The following GHR variants were observed in gnomAD, a reference collection of about 807,000 sequenced individuals.
GHR encodes the protein GH receptor.
In GHR, 35 loss-of-function variants were observed where a neutral mutation model predicts 67.1. That is an observed-to-expected ratio of 0.52 (90% CI 0.40 to 0.69). The LOEUF is 0.69. GHR is among the 30% of genes least tolerant of loss of function. The pLI, the probability that GHR is intolerant of heterozygous loss-of-function variation, is 0.00. For missense variants in GHR, 792 were observed against 764.6 expected (o/e 1.04, Z -0.42); for synonymous variants, 272 against 269.1 (o/e 1.01, Z -0.10).
intron 4 of GHR, among the ~76,000 whole-genome samples, chr5:42,694,511 G>T (rs1209042841): frequency 6.6e-6 from 1 of 152,110 alleles, no homozygotes; most frequent in African/African-American, 2.4e-5. Context: ...AAACAGCCAG[G>T]TCTAAACCTT....
chr5:42,531,790 A>G (rs1747982408), intron 1 of GHR, among the ~76,000 whole-genome samples: 1 of 152,058 alleles, frequency 6.6e-6, no homozygotes, highest in East Asian at 1.9e-4. Flanking sequence ...ATTCATTGCT[A>G]TTTGTTGCAA....
chr5:42,581,978 C>A (rs925269669), intron 2 of GHR, among the ~76,000 whole-genome samples: 11 of 152,252 alleles, frequency 7.2e-5, no homozygotes, highest in Admixed American at 6.5e-4. Context: ...AAAGTCATGG[C>A]CAAGCCTGGA....
At chr5:42,427,315 C>T (rs1282542989) in intron 1 of GHR, among the ~76,000 whole-genome samples, 4 of 152,136 alleles carry the variant, frequency 2.6e-5, no homozygotes, top group Non-Finnish European at 4.4e-5. Flanking sequence ...ACAATCATGG[C>T]GGAAGGTGAA....
At chr5:42,508,263 C>T (rs1262146884) in intron 1 of GHR, among the ~76,000 whole-genome samples, 2 of 152,096 alleles carry the variant, frequency 1.3e-5, no homozygotes, top group African/African-American at 4.8e-5. Flanking sequence ...CAAAGGGGGC[C>T]TTTCCCAAGG....
chr5:42,462,590 ACATAAGGTTACT>A (rs1459083153), intron 1 of GHR, among the ~76,000 whole-genome samples: 2 of 152,168 alleles, frequency 1.3e-5, no homozygotes, highest in African/African-American at 2.4e-5. Flanking sequence ...CCTTATATAA[ACATAAGGTTACT>A]CATTATTGAA....
intron 2 of GHR, among the ~76,000 whole-genome samples, chr5:42,609,939 C>A (rs1580050915): frequency 6.6e-6 from 1 of 152,118 alleles, no homozygotes; most frequent in Non-Finnish European, 1.5e-5. Context: ...GTGACTGTCA[C>A]TAAAATGTAA....
chr5:42,467,905 G>T, intron 1 of GHR: 1 of 766,926 alleles, frequency 1.3e-6, no homozygotes, highest in Non-Finnish European at 2.2e-6. Context: ...CCTCTTCTTT[G>T]AAGCTTTCAG....
chr5:42,719,499 C>T lies in GHR; in HGVS notation c.*75C>T. The T allele has an allele frequency of 2.1e-6, 3 of 1,437,790 alleles. No homozygotes were observed. Among genetic ancestry groups the T allele is most frequent in the Non-Finnish European group, 2.9e-6 (3 of 1,031,476 alleles). The allele number at this position is 1,437,790 out of a possible 1,614,324, so 89.1% of individuals were successfully genotyped here. A position where few individuals can be genotyped will look rare whatever the true frequency, so the allele number is the denominator to read the frequency against. On this transcript the variant is annotated 3_prime_UTR_variant, in exon 10 of 10. Coordinates refer to ENST00000230882, the MANE Select transcript of GHR (RefSeq NM_000163.5). ...TGGGGCAATAACGTTTAAGCCAAAA[C>T]AATGTTTAAACCTTTTTTGGGGGAG...
At chr5:42,633,666 A>G (rs1213627636) in intron 3 of GHR, among the ~76,000 whole-genome samples, 1 of 152,170 alleles carries the variant, frequency 6.6e-6, no homozygotes, top group Non-Finnish European at 1.5e-5. Flanking sequence ...CCAATCATCT[A>G]TAGTAGCTCC....
chr5:42,540,042 G>T (rs1748433577), intron 1 of GHR, among the ~76,000 whole-genome samples: 2 of 152,064 alleles, frequency 1.3e-5, no homozygotes, highest in Non-Finnish European at 2.9e-5. Flanking sequence ...ATAAATAATG[G>T]TTTTTCTGCA....
chr5:42,565,691 GT>G, intron 1 of GHR, 172 bp from the exon 2 acceptor site: 1 of 985,358 alleles, frequency 1.0e-6, no homozygotes, highest in Non-Finnish European at 1.2e-6. Context: ...TGCTGTTTGA[GT>G]TCATGAAAAG....
At chr5:42,494,113 C>T (rs576020725) in intron 1 of GHR, among the ~76,000 whole-genome samples, 11 of 152,218 alleles carry the variant, frequency 7.2e-5, no homozygotes, top group Admixed American at 3.9e-4. Context: ...ATCATGGAAA[C>T]CTCTCCATAC....
Position 42,719,379 on chromosome 5 carries a change from A to C in GHR, c.1872A>C (p.Ser624=). ...LPLPDKEFLS[S]CGYVSTDQLN... is the part of the protein sequence containing the mutation. ...TGCCTGACAAAGAGTTTCTCTCATCATGTGGCTATGTGAGCACAGACCAAC... is the reference window on the plus strand; with the variant it reads ...TGCCTGACAAAGAGTTTCTCTCATCCTGTGGCTATGTGAGCACAGACCAAC... The change falls in exon 10 of 10, where the codon TCA becomes TCC. Residue 624 remains serine, a synonymous_variant. Transcript: ENST00000230882. 6.2e-7 allele frequency: 1 copy of C among 1,613,938 alleles called. No homozygotes were observed. Among genetic ancestry groups the C allele is most frequent in the Non-Finnish European group, 8.5e-7 (1 of 1,179,882 alleles).
In GHR at chr5:42,699,757, G is replaced by A. The variant is rs949632351; in HGVS notation, c.440-67G>A. 10 of 995,420 alleles carry A rather than the reference G, an allele frequency of 1.0e-5. No individual in the cohort carries two copies. In the Admixed American group the frequency reaches 1.0e-4, roughly 10 times the overall value. 61.7% of individuals were successfully genotyped at this position (995,420 alleles called of 1,614,324 possible). On this transcript the variant is annotated intron_variant, in intron 5 of 9. Transcript: ENST00000230882. ...TGTAGAAAGTAATTTGGTCTTCTGA[G>A]AAGAATGCCTTCCATTAATATTAAA...
At chr5:42,519,273 T>A (rs7718944) in intron 1 of GHR, among the ~76,000 whole-genome samples, 2,708 of 152,288 alleles carry the variant, frequency 0.018, 75 homozygotes, top group African/African-American at 0.061. Context: ...TTCACTTAGC[T>A]GTTTTTCCTG....
At chr5:42,544,715 A>G (rs985215074) in intron 1 of GHR, among the ~76,000 whole-genome samples, 3 of 152,166 alleles carry the variant, frequency 2.0e-5, no homozygotes, top group Non-Finnish European at 4.4e-5. Flanking sequence ...ACACCCATGC[A>G]TCAAAAAGTT....
Position 42,425,032 on chromosome 5 carries a change from G to A in GHR, c.-12+1077G>A, listed in dbSNP as rs144103341. ...CCGCCAGGAGACCTTGGAAGGGACA[G>A]AGAAAGGTAACGGAAGGCCAAAGTG... On this transcript the variant is annotated intron_variant, in intron 1 of 9. Transcript: ENST00000230882. 44 of 984,914 alleles carry A rather than the reference G, an allele frequency of 4.5e-5. No individual in the cohort carries two copies. In the East Asian group the frequency reaches 4.6e-3, roughly 102 times the overall value. The allele number at this position is 984,914 out of a possible 1,614,324, so 61.0% of individuals were successfully genotyped here.
chr5:42,704,843 G>A (rs184712977), intron 6 of GHR, among the ~76,000 whole-genome samples: 1 of 151,866 alleles, frequency 6.6e-6, no homozygotes, highest in African/African-American at 2.4e-5. Context: ...GTATTTCTAT[G>A]GTATTGGTTG....
chr5:42,680,777 T>A (rs1321789935), intron 3 of GHR, among the ~76,000 whole-genome samples: 1 of 152,152 alleles, frequency 6.6e-6, no homozygotes, highest in Non-Finnish European at 1.5e-5. Flanking sequence ...AGTGCTGGAA[T>A]TACAGGTGTG....
Sources: allele counts gnomAD v4.1 joint callset (sites outside exome capture counted in the v4.1 genomes callset), GRCh38; gene constraint gnomAD v4.1.1; transcripts MANE v1.5; gene names NCBI Gene and HGNC (gene_info 2026-07-23, HGNC 2026-07-21).